MARCHF1: variants seen among roughly 807,000 people sequenced by gnomAD.
MARCHF1 encodes E3 ubiquitin-protein ligase MARCHF1.
A neutral mutation model predicts 54.2 loss-of-function variants in MARCHF1; 40 were observed. The observed-to-expected ratio is 0.74, with a 90% CI of 0.57 to 0.96. MARCHF1 has a LOEUF of 0.96. MARCHF1 is among the 40% of genes least tolerant of loss of function. MARCHF1 has a pLI of 0.00. For synonymous variants in MARCHF1, 236 were observed against 236.3 expected, an observed-to-expected ratio of 1.00 and a Z score of 0.01; for missense variants, 586 against 656.5, an observed-to-expected ratio of 0.89 and a Z score of 1.17.
intron 5 of MARCHF1, among the ~76,000 whole-genome samples, chr4:163,639,247 A>G (rs1455252928): frequency 6.6e-6 from 1 of 152,170 alleles, no homozygotes; most frequent in Non-Finnish European, 1.5e-5. Context: ...TTGAGTACAT[A>G]GCTGAAACCA....
Position 163,839,368 on chromosome 4 carries a change from C to A in MARCHF1, c.111+14653G>T, listed in dbSNP as rs1264212369. The stretch of plus-strand genomic sequence containing the variant: ...ACCAATCAATTACACTCCTAAGCAT[C>A]TAACCAAGAATATAAAAATATAGGT... On this transcript the variant is annotated intron_variant, in intron 4 of 9. Transcript: ENST00000514618. Among the ~76,000 whole-genome samples the A allele has an allele frequency of 2.0e-5, 3 of 152,154 alleles. No homozygotes were observed. In the East Asian group the frequency reaches 5.8e-4, roughly 29 times the overall value.
chr4:163,986,280 T>TTTTC, intron 3 of MARCHF1, among the ~76,000 whole-genome samples: 1 of 94,118 alleles, frequency 1.1e-5, no homozygotes, highest in Non-Finnish European at 2.2e-5. Flanking sequence ...TTTTTTTTTT[T>TTTTC]GAGATGGAGT....
At chr4:164,243,362 C>T (rs1222312047) in intron 1 of MARCHF1, among the ~76,000 whole-genome samples, 4 of 148,734 alleles carry the variant, frequency 2.7e-5, no homozygotes, top group South Asian at 4.4e-4. Context: ...CCCAGAATTT[C>T]ATATCCAGCC....
chr4:163,674,686 T>C (rs939552559), intron 5 of MARCHF1, among the ~76,000 whole-genome samples: 1 of 152,172 alleles, frequency 6.6e-6, no homozygotes, highest in African/African-American at 2.4e-5. Flanking sequence ...ACCTGACTAA[T>C]GCCACTATGG....
chr4:164,114,247 T>C (rs1300875623), intron 1 of MARCHF1, among the ~76,000 whole-genome samples: 1 of 152,010 alleles, frequency 6.6e-6, no homozygotes, highest in Non-Finnish European at 1.5e-5. Context: ...TATACATATA[T>C]GTATATTCAT....
chr4:164,175,088 A>G (rs1446981132), intron 1 of MARCHF1, among the ~76,000 whole-genome samples: 2 of 152,192 alleles, frequency 1.3e-5, no homozygotes, highest in African/African-American at 4.8e-5. Flanking sequence ...TTGTCACCCT[A>G]CACAAACCTC....
intron 8 of MARCHF1, among the ~76,000 whole-genome samples, chr4:163,559,506 C>T (rs987377802): frequency 6.6e-6 from 1 of 152,168 alleles, no homozygotes; most frequent in Non-Finnish European, 1.5e-5. Flanking sequence ...CAATGAGAAG[C>T]TGCAGACTGT....
intron 5 of MARCHF1, among the ~76,000 whole-genome samples, chr4:163,622,827 C>A (rs573723467): frequency 1.3e-5 from 2 of 152,118 alleles, no homozygotes; most frequent in African/African-American, 4.8e-5. Flanking sequence ...CTTCCTTTGA[C>A]AATTCACAAC....
At chr4:164,337,258 TC>T (rs1247743332) in intron 1 of MARCHF1, among the ~76,000 whole-genome samples, 9 of 152,044 alleles carry the variant, frequency 5.9e-5, no homozygotes, top group Non-Finnish European at 1.2e-4. Flanking sequence ...GATTTGGGTG[TC>T]CCCCAAAGAA....
chr4:164,252,489 C>T (rs1051780348), intron 1 of MARCHF1, among the ~76,000 whole-genome samples: 1 of 152,160 alleles, frequency 6.6e-6, no homozygotes, highest in Non-Finnish European at 1.5e-5. Context: ...AGGCTCCTCC[C>T]TCCCCACAGC....
chr4:163,695,265 T>TATGGAGAG (rs1561023961), intron 5 of MARCHF1, among the ~76,000 whole-genome samples: 1 of 152,024 alleles, frequency 6.6e-6, no homozygotes, highest in Admixed American at 6.6e-5. Flanking sequence ...TCTGGAAAAA[T>TATGGAGAG]ATGGAGAGAT....
chr4:163,577,767 T>A (rs912734354), intron 8 of MARCHF1, among the ~76,000 whole-genome samples: 1 of 152,038 alleles, frequency 6.6e-6, no homozygotes, highest in Admixed American at 6.6e-5. Context: ...CATGAACACT[T>A]TGTTCACTTT....
At chr4:164,215,297 G>T (rs190126417) in intron 1 of MARCHF1, among the ~76,000 whole-genome samples, 1 of 152,100 alleles carries the variant, frequency 6.6e-6, no homozygotes, top group Non-Finnish European at 1.5e-5. Context: ...GCCTGCCAGC[G>T]TTCTGGCGTC....
chr4:164,240,161 A>G (rs976443286), intron 1 of MARCHF1, among the ~76,000 whole-genome samples: 2 of 152,208 alleles, frequency 1.3e-5, no homozygotes, highest in African/African-American at 2.4e-5. Flanking sequence ...CTAATGAGCC[A>G]CGAGACTGGA....
At chr4:164,075,001 C>G (rs1754947409) in intron 2 of MARCHF1, among the ~76,000 whole-genome samples, 1 of 151,996 alleles carries the variant, frequency 6.6e-6, no homozygotes, top group East Asian at 1.9e-4. Context: ...GTAATGCTGA[C>G]ACTATGTGCA....
chr4:164,036,124 CAAAAAACA>C (rs1222116125), intron 2 of MARCHF1, among the ~76,000 whole-genome samples: 59 of 110,030 alleles, frequency 5.4e-4, no homozygotes, highest in African/African-American at 9.4e-4. Context: ...AAACAAAAAA[CAAAAAACA>C]AAAAAAAAAA....
At chr4:164,187,727 G>A (rs1317910454) in intron 1 of MARCHF1, among the ~76,000 whole-genome samples, 40 of 152,034 alleles carry the variant, frequency 2.6e-4, no homozygotes, top group Admixed American at 2.4e-3. Context: ...TCAATACAAC[G>A]TTTTTAGTAA....
chr4:163,759,309 T>C (rs1746765832), intron 4 of MARCHF1, among the ~76,000 whole-genome samples: 1 of 152,304 alleles, frequency 6.6e-6, no homozygotes. Context: ...TGTAAAAATA[T>C]TTCCTTTAAC....
intron 4 of MARCHF1, among the ~76,000 whole-genome samples, chr4:163,728,630 CTT>C (rs1491041485): frequency 1.3e-5 from 2 of 152,122 alleles, no homozygotes; most frequent in South Asian, 2.1e-4. Flanking sequence ...AAGTAATTGA[CTT>C]ATATATATTA....
Sources: gnomAD v4.1 joint callset for allele counts (sites outside exome capture counted in the v4.1 genomes callset) on GRCh38, gnomAD v4.1.1 for gene constraint, MANE v1.5 for transcripts, NCBI Gene and HGNC (gene_info 2026-07-23, HGNC 2026-07-21) for gene names.